Variants in PRDM5 observed in about 807,000 individuals in gnomAD.
The protein encoded by PRDM5 is PR domain zinc finger protein 5.
Under a neutral mutation model 81.2 loss-of-function variants are expected in PRDM5, and 56 were observed. The observed-to-expected ratio is 0.69, with a 90% CI of 0.56 to 0.86. The LOEUF is 0.86. Among genes scored for constraint, PRDM5 ranks in the 40% least tolerant of loss-of-function variants. PRDM5 has a pLI of 0.00. For missense variants in PRDM5, 697 were observed against 770.1 expected (o/e 0.91, Z 1.12); for synonymous variants, 267 against 256.4 (o/e 1.04, Z -0.39).
At chr4:120,917,099 G>A (rs906687635) in intron 1 of PRDM5, among the ~76,000 whole-genome samples, 2 of 152,154 alleles carry the variant, frequency 1.3e-5, no homozygotes, top group African/African-American at 4.8e-5. Flanking sequence ...TCTAAGCAGT[G>A]GATCTTCCCC....
chr4:120,907,656 C>T (rs1765988274), intron 1 of PRDM5, 99 bp from the exon 2 acceptor site: 2 of 929,216 alleles, frequency 2.2e-6, no homozygotes, highest in South Asian at 2.6e-5. Context: ...TGCAAATCTT[C>T]ATGCCCAAAG....
At chr4:120,797,854 C>G (rs116283691) in intron 10 of PRDM5, among the ~76,000 whole-genome samples, 1 of 152,088 alleles carries the variant, frequency 6.6e-6, no homozygotes, top group Non-Finnish European at 1.5e-5. Flanking sequence ...CCAGAATAAC[C>G]TCCTGAGGGG....
intron 1 of PRDM5, among the ~76,000 whole-genome samples, chr4:120,921,589 C>G (rs1259084862): frequency 6.6e-6 from 1 of 152,140 alleles, no homozygotes; most frequent in Non-Finnish European, 1.5e-5. Flanking sequence ...GTTAACATAC[C>G]TTACCTGAAC....
intron 13 of PRDM5, among the ~76,000 whole-genome samples, chr4:120,770,464 C>CTTT (rs10610024): frequency 4.1e-5 from 6 of 146,702 alleles, no homozygotes; most frequent in African/African-American, 1.3e-4. Flanking sequence ...TCTCATTTCT[C>CTTT]TTTTTTTTTT....
At chr4:120,857,923 C>T (rs1018309895) in intron 2 of PRDM5, among the ~76,000 whole-genome samples, 2 of 152,114 alleles carry the variant, frequency 1.3e-5, no homozygotes, top group Non-Finnish European at 2.9e-5. Flanking sequence ...GAATTTTTCA[C>T]TAACTATATA....
At chr4:120,804,292 T>C (rs1362166984) in intron 8 of PRDM5, among the ~76,000 whole-genome samples, 1 of 129,648 alleles carries the variant, frequency 7.7e-6, no homozygotes, top group Admixed American at 8.0e-5. Context: ...GACAGATCAA[T>C]GAGACAGAAG....
intron 15 of PRDM5, among the ~76,000 whole-genome samples, chr4:120,707,389 G>C (rs1445582529): frequency 6.6e-6 from 1 of 151,558 alleles, no homozygotes; most frequent in East Asian, 1.9e-4. Flanking sequence ...ATCCTCTCTT[G>C]ATTAAAAAAA....
chr4:120,726,339 G>C (rs1358010279), intron 14 of PRDM5, among the ~76,000 whole-genome samples: 1 of 152,178 alleles, frequency 6.6e-6, no homozygotes, highest in Non-Finnish European at 1.5e-5. Flanking sequence ...AAGACATAGA[G>C]AGCCTCATGG....
At chr4:120,781,121 C>T (rs1365074364) in intron 12 of PRDM5, 22 bp downstream of exon 12, 1 of 1,603,664 alleles carries the variant, frequency 6.2e-7, no homozygotes, top group East Asian at 2.2e-5. Context: ...TCTGTTCAAA[C>T]TAACAGAAGA....
chr4:120,830,442 G>C (rs946279903), intron 3 of PRDM5, among the ~76,000 whole-genome samples: 1 of 152,124 alleles, frequency 6.6e-6, no homozygotes, highest in Non-Finnish European at 1.5e-5. Context: ...GCTGTGGACA[G>C]AGTCATAGCC....
intron 10 of PRDM5, among the ~76,000 whole-genome samples, 191 bp downstream of exon 10, chr4:120,798,076 A>G (rs957865757): frequency 1.3e-5 from 2 of 152,168 alleles, no homozygotes; most frequent in African/African-American, 4.8e-5. Flanking sequence ...CTCTGCTTAT[A>G]AGGACAGTTT....
chr4:120,834,913 G>A (rs1757159863), intron 3 of PRDM5, among the ~76,000 whole-genome samples: 1 of 152,124 alleles, frequency 6.6e-6, no homozygotes, highest in African/African-American at 2.4e-5. Context: ...CATTTCTCCT[G>A]GCTCTCATGC....
intron 10 of PRDM5, among the ~76,000 whole-genome samples, chr4:120,797,928 C>T (rs771192196): frequency 1.3e-5 from 2 of 151,864 alleles, no homozygotes; most frequent in Non-Finnish European, 2.9e-5. Context: ...TACAAGGATC[C>T]CAAGGATGAA....
intron 2 of PRDM5, among the ~76,000 whole-genome samples, chr4:120,897,693 T>C (rs1442685700): frequency 6.6e-6 from 1 of 152,256 alleles, no homozygotes; most frequent in Non-Finnish European, 1.5e-5. Context: ...TTCCTTTTCA[T>C]TCATTCTGTC....
intron 14 of PRDM5, among the ~76,000 whole-genome samples, chr4:120,723,947 T>A (rs1161166490): frequency 3.4e-5 from 3 of 87,308 alleles, no homozygotes; most frequent in Admixed American, 1.3e-4. Context: ...TTTTTTTTTT[T>A]TTTTGCATGT....
chr4:120,810,169 C>T lies in PRDM5; in HGVS notation c.945+1201G>A, dbSNP rs1431503704. On this transcript the variant is annotated intron_variant, in intron 8 of 15. Coordinates refer to ENST00000264808, the MANE Select transcript of PRDM5 (RefSeq NM_018699.4). ...TTGGAAAACTTGTCTTCCAGGAAAA[C>T]GGTCCCTAGTACCAAGAAGGTTGGG... Among the ~76,000 whole-genome samples, 30 of 152,100 alleles carry T rather than the reference C, an allele frequency of 2.0e-4. 1 individual carries two copies. The highest frequency in any genetic ancestry group is 2.0e-3 in the Admixed American group (30 of 15,270).
rs1045756209 is a variant in PRDM5 at position 120,692,807 on chromosome 4, T to C, written c.*2304A>G. On this transcript the variant is annotated 3_prime_UTR_variant, in exon 16 of 16. Coordinates refer to ENST00000264808, the MANE Select transcript of PRDM5 (RefSeq NM_018699.4). ...CTGTACTTCAGCTTGTCTGTAAGAC[T>C]TTTCCTTATGATTATCTATGCTTTC... The C allele has an allele frequency of 6.6e-6, 1 of 152,150 alleles. No homozygotes were observed. The highest frequency in any genetic ancestry group is 2.4e-5 in the African/African-American group (1 of 41,454). The allele number at this position is 152,150 out of a possible 1,614,324, so 9.4% of individuals were successfully genotyped here.
intron 3 of PRDM5, among the ~76,000 whole-genome samples, chr4:120,822,205 T>C (rs1755379165): frequency 6.6e-6 from 1 of 152,162 alleles, no homozygotes; most frequent in Admixed American, 6.5e-5. Context: ...ACTGAAGCTG[T>C]AAAGCGGGCT....
intron 1 of PRDM5, among the ~76,000 whole-genome samples, chr4:120,918,279 A>C (rs1724451869): frequency 6.6e-6 from 1 of 152,236 alleles, no homozygotes; most frequent in African/African-American, 2.4e-5. Flanking sequence ...AAGAGATAGC[A>C]TATACGGCAG....
Sources: gnomAD v4.1 joint callset for allele counts (sites outside exome capture counted in the v4.1 genomes callset) on GRCh38, gnomAD v4.1.1 for gene constraint, MANE v1.5 for transcripts, NCBI Gene and HGNC (gene_info 2026-07-23, HGNC 2026-07-21) for gene names.